The following TTN variants were observed in gnomAD, a reference collection of about 807,000 sequenced individuals.
TTN encodes titin, also known as connectin.
In TTN, 1,525 loss-of-function variants were observed where a neutral mutation model predicts 3,223.0. The observed-to-expected ratio is 0.47, with a 90% CI of 0.45 to 0.49. TTN has a LOEUF of 0.49. Among genes scored for constraint, TTN ranks in the 20% least tolerant of loss-of-function variants. The pLI, the probability that TTN is intolerant of heterozygous loss-of-function variation, is 0.00. For synonymous variants in TTN, 14,094 were observed against 15,161.0 expected (o/e 0.93, Z 5.17); for missense variants, 40,786 against 43,424.0 (o/e 0.94, Z 5.40).
Position 178,782,882 on chromosome 2 carries a change from T to A in TTN, c.3024A>T (p.Glu1008Asp). ...CACTGCAAGTAAATCGCCCGCTGTC[T>A]TCCGCAAATGCTTCGCGAATCATAA... ...ARLMIREAFA[E>D]DSGRFTCSAV... is the part of the protein sequence containing the mutation. Residue 1008 changes from glutamate to aspartate, a missense_variant, in exon 18 of 363, where the codon GAA (glutamate) becomes GAT (aspartate). Glu to Asp is a conservative substitution (Grantham distance 45). Coordinates refer to ENST00000589042, the MANE Select transcript of TTN (RefSeq NM_001267550.2). 2 of 1,614,086 alleles carry A rather than the reference T, an allele frequency of 1.2e-6. No individual in the cohort carries two copies. The highest frequency in any genetic ancestry group is 1.7e-6 in the Non-Finnish European group (2 of 1,179,978).
intron 132 of TTN, 99 bp downstream of exon 132, chr2:178,684,210 TAACAACAACAACAACATCAAC>T: frequency 1.5e-6 from 2 of 1,355,484 alleles, no homozygotes; most frequent in Middle Eastern, 1.8e-4. Context: ...ACAACAACTG[TAACAACAACAACAACATCAAC>T]AACAACAACA....
At position 178,777,143 on chromosome 2, in the gene TTN, A is replaced by G. The variant is rs2092318376; in HGVS notation, c.4814+6T>C. On this transcript the variant is annotated splice_donor_region_variant and intron_variant, in intron 27 of 362. Transcript: ENST00000589042. Reference sequence around the variant, plus strand: ...ATGAGCTTAGCTTTATTATTTCCATACTTACCTGATTTTGGGATATTTATG... The same window carrying G: ...ATGAGCTTAGCTTTATTATTTCCATGCTTACCTGATTTTGGGATATTTATG... 1.2e-6 allele frequency: 2 copies of G among 1,614,044 alleles called. No individual in the cohort carries two copies. The highest frequency in any genetic ancestry group is 4.5e-5 in the East Asian group (2 of 44,866).
rs1451760710 is a variant in TTN, at chr2:178,581,701, A to G, written c.66567T>C (p.Ile22189=). The change falls in exon 316 of 363, where the codon ATT becomes ATC. Residue 22189 remains isoleucine (I), a synonymous_variant. Coordinates refer to ENST00000589042, the MANE Select transcript of TTN (RefSeq NM_001267550.2). ...KPAYDGGSPI[I]GYLVEVKRAD... is the part of the protein sequence containing the mutation. ...CCCGTTTTACTTCAACGAGATAACC[A>G]ATGATAGGGCTGCCGCCGTCATAGG... 6.2e-7 allele frequency: 1 copy of G among 1,611,952 alleles called. No individual in the cohort carries two copies. Among genetic ancestry groups the G allele is most frequent in the Non-Finnish European group, 8.5e-7 (1 of 1,179,012 alleles).
rs1417400162 is a variant in TTN, at chr2:178,610,247, T to C, written c.51279A>G (p.Thr17093=). ...VLERREAGRR[T]YIPVMSGENK... is the part of the protein sequence containing the mutation. ...TCTCACCAGACATGACTGGTATATATGTTCTCCTCCCAGCTTCTCTGCGCT... is the reference window on the plus strand; with the variant it reads ...TCTCACCAGACATGACTGGTATATACGTTCTCCTCCCAGCTTCTCTGCGCT... Residue 17093 remains threonine, a synonymous_variant, in exon 271 of 363, where the codon ACA becomes ACG. Transcript: ENST00000589042. The C allele has an allele frequency of 6.2e-7, 1 of 1,612,880 alleles. No individual in the cohort carries two copies.
intron 275 of TTN, 48 bp downstream of exon 275, chr2:178,608,130 T>C: frequency 6.2e-7 from 1 of 1,604,402 alleles, no homozygotes; most frequent in African/African-American, 1.3e-5. Context: ...GGTTTTAAAA[T>C]GTACAATAGC....
At position 178,586,792 on chromosome 2, in the gene TTN, G is replaced by A. The variant is rs2049075418; in HGVS notation, c.64109C>T (p.Pro21370Leu). The change falls in exon 308 of 363, where the codon CCA (proline) becomes CTA (leucine). Residue 21370 changes from proline to leucine, a missense_variant. Pro to Leu is a moderately conservative substitution (Grantham distance 98). Coordinates refer to ENST00000589042, the MANE Select transcript of TTN (RefSeq NM_001267550.2). ...CATTTCAGTCACTTCTAATTTCCTT[G>A]GGGGATCCGGCTCACCTAGAAGAAA... is the stretch of plus-strand genomic sequence containing the variant. ...ASDPLSEPDP[P>L]RKLEVTEMTK... 1.9e-6 allele frequency: 3 copies of A among 1,611,844 alleles called. No individual in the cohort carries two copies. The highest frequency in any genetic ancestry group is 1.3e-5 in the African/African-American group (1 of 74,746).
At chr2:178,720,696 A>T in intron 79 of TTN, 33 bp from the exon 80 acceptor site, 1 of 1,534,276 alleles carries the variant, frequency 6.5e-7, no homozygotes, top group Non-Finnish European at 8.7e-7. Flanking sequence ...CAATGAGAAC[A>T]CTTGCTTACT....
Position 178,710,660 on chromosome 2 carries a change from A to T in TTN, c.28437T>A (p.Ser9479=). Residue 9479 remains serine (S), a synonymous_variant, in exon 98 of 363, where the codon TCT becomes TCA. Coordinates refer to ENST00000589042, the MANE Select transcript of TTN (RefSeq NM_001267550.2). ...CTTTTATATTCAGCTGAGCTGTGCA[A>T]GAGTCTTTTCCCACTTCATTCACAG... ...CYAVNEVGKD[S]CTAQLNIKER... is the part of the protein sequence containing the mutation. 2 of 1,612,528 alleles carry T rather than the reference A, an allele frequency of 1.2e-6. No individual in the cohort carries two copies. The highest frequency in any genetic ancestry group is 1.7e-6 in the Non-Finnish European group (2 of 1,179,520).
chr2:178,725,143 T>C lies in TTN; in HGVS notation c.20836+225A>G, dbSNP rs74860547. 1,738 of 419,584 alleles carry C rather than the reference T, an allele frequency of 4.1e-3. 21 individuals carry two copies. The highest frequency in any genetic ancestry group is 0.032 in the African/African-American group (1,562 of 48,902). 26.0% of individuals were successfully genotyped at this position (419,584 alleles called of 1,614,324 possible). A position where few individuals can be genotyped will look rare whatever the true frequency, so the allele number is the denominator to read the frequency against. The stretch of plus-strand genomic sequence containing the variant: ...TCATGATTGTATCTGCTAATTGATA[T>C]AGACAGGTAGTTATTAAACAATAAA... On this transcript the variant is annotated intron_variant, in intron 71 of 362. Coordinates refer to ENST00000589042, the MANE Select transcript of TTN (RefSeq NM_001267550.2).
In TTN at chr2:178,663,714, A is replaced by G. The variant is rs1413433988; in HGVS notation, c.36449-4T>C. On this transcript the variant is annotated splice_polypyrimidine_tract_variant and splice_region_variant and intron_variant, in intron 170 of 362. Coordinates refer to ENST00000589042, the MANE Select transcript of TTN (RefSeq NM_001267550.2). ...ACTTCTTTGGGAGGCTCTGGTACTTAAAAGATATTAGCAAAATTACATTCA... is the reference window on the plus strand; with the variant it reads ...ACTTCTTTGGGAGGCTCTGGTACTTGAAAGATATTAGCAAAATTACATTCA... 1.9e-6 allele frequency: 3 copies of G among 1,610,192 alleles called. No homozygotes were observed. In the African/African-American group the frequency reaches 4.1e-5, roughly 22 times the overall value.
chr2:178,631,718 C>T (rs571539234), intron 236 of TTN, among the ~76,000 whole-genome samples: 1 of 152,052 alleles, frequency 6.6e-6, no homozygotes, highest in South Asian at 2.1e-4. Context: ...TATATGTTAG[C>T]CTTCATGTTT....
rs199546417 is a variant in TTN at position 178,740,846 on chromosome 2, C to T, written c.12387G>A (p.Arg4129=). Residue 4129 remains arginine (R), a synonymous_variant, in exon 48 of 363, where the codon AGG becomes AGA. Transcript: ENST00000589042. ...EQDKLTPEST[R]EFLCINGSIH... Reference sequence around the variant, plus strand: ...TACTGCCATTGATGCAAAGAAATTCCCTGGTGCTTTCAGGAGTGAGCTTGT... The same window carrying T: ...TACTGCCATTGATGCAAAGAAATTCTCTGGTGCTTTCAGGAGTGAGCTTGT... 2.5e-6 allele frequency: 4 copies of T among 1,613,676 alleles called. No individual in the cohort carries two copies. The highest frequency in any genetic ancestry group is 2.2e-5 in the East Asian group (1 of 44,862).
Position 178,704,559 on chromosome 2 carries a change from A to G in TTN, c.29913T>C (p.Tyr9971=). 1 of 1,613,586 alleles carries G rather than the reference A, an allele frequency of 6.2e-7. No homozygotes were observed. Among genetic ancestry groups the G allele is most frequent in the Non-Finnish European group, 8.5e-7 (1 of 1,179,708 alleles). The change falls in exon 105 of 363, where the codon TAT becomes TAC. Residue 9971 remains tyrosine, a synonymous_variant. Transcript: ENST00000589042. ...KNCQLKDQGN[Y]RLVCGPHIAS... ...CGATGTGTGGACCACAAACCAATCGATAATTGCCCTGGTCTTTAAGTTGAC... is the reference window on the plus strand; with the variant it reads ...CGATGTGTGGACCACAAACCAATCGGTAATTGCCCTGGTCTTTAAGTTGAC...
In TTN at chr2:178,598,625, T is replaced by C. The variant is rs773331027; in HGVS notation, c.56992A>G (p.Thr18998Ala). The C allele has an allele frequency of 1.2e-6, 2 of 1,604,786 alleles. No individual in the cohort carries two copies. Among genetic ancestry groups the C allele is most frequent in the Non-Finnish European group, 1.7e-6 (2 of 1,177,614 alleles). ...TCTGCAGATGATTTAGTCCAATCTG[T>C]CACTTTGGGAAATGGAGGACCAGGA... ...APPGPPFPKVTDWTKSSADLE... is the reference protein window; with the variant it reads ...APPGPPFPKVADWTKSSADLE... Residue 18998 changes from threonine (T) to alanine (A), a missense_variant, in exon 292 of 363, where the codon ACA (threonine) becomes GCA (alanine). By Grantham distance (58) the Thr-to-Ala change is moderately conservative. Coordinates refer to ENST00000589042, the MANE Select transcript of TTN (RefSeq NM_001267550.2).
In TTN at chr2:178,741,559, A is replaced by T; in HGVS notation, c.11674T>A (p.Cys3892Ser). 1 of 1,613,826 alleles carries T rather than the reference A, an allele frequency of 6.2e-7. No individual in the cohort carries two copies. Among genetic ancestry groups the T allele is most frequent in the Non-Finnish European group, 8.5e-7 (1 of 1,179,810 alleles). ...TKLEDEGEYT[C>S]MASNDYGKTI... ...TTTCCATAGTCATTACTGGCCATAC[A>T]TGTATACTCTCCCTCATCCTCCAAT... Residue 3892 changes from cysteine to serine, a missense_variant, in exon 48 of 363, where the codon TGT (cysteine) becomes AGT (serine). Physicochemically the swap from Cys to Ser is moderately radical, Grantham distance 112. Transcript: ENST00000589042.
At chr2:178,683,087 A>T (rs560635226) in intron 134 of TTN, 124 bp downstream of exon 134, 1 of 952,182 alleles carries the variant, frequency 1.1e-6, no homozygotes, top group South Asian at 1.5e-5. Context: ...TGTGATTTCA[A>T]ATGTTATATA....
chr2:178,588,741 A>G lies in TTN; in HGVS notation c.62984T>C (p.Ile20995Thr), dbSNP rs1275723419. ...CTTTTTCTCCAAAAAGTATCCAGTT[A>G]TAGACTTTCCACCATCATATTCAGG... The part of the protein sequence containing the change: ...NPPEYDGGKS[I>T]TGYFLEKKEK... The change falls in exon 304 of 363, where the codon ATA becomes ACA. Residue 20995 changes from isoleucine (I) to threonine (T), a missense_variant. Transcript: ENST00000589042. 19 of 1,613,264 alleles carry G rather than the reference A, an allele frequency of 1.2e-5. No homozygotes were observed. The highest frequency in any genetic ancestry group is 1.6e-5 in the Non-Finnish European group (19 of 1,179,554).
At position 178,568,785 on chromosome 2, in the gene TTN, G is replaced by A. The variant is rs758010128; in HGVS notation, c.77347C>T (p.Arg25783Trp). The change falls in exon 326 of 363, where the codon CGG becomes TGG. Residue 25783 changes from arginine (R) to tryptophan (W), a missense_variant. Transcript: ENST00000589042. ...GCAACTATTGGAACTGCAAGGGACC[G>A]AGGATCACTTCTCCCCTTTTCATTT... ...AVNEKGRSDP[R>W]SLAVPIVAKD... 6.2e-6 allele frequency: 10 copies of A among 1,612,860 alleles called. No homozygotes were observed. Among genetic ancestry groups the A allele is most frequent in the Admixed American group, 5.0e-5 (3 of 59,924 alleles).
chr2:178,677,063 C>T (rs2068228638), intron 147 of TTN, 138 bp downstream of exon 147: 1 of 426,482 alleles, frequency 2.3e-6, no homozygotes, highest in South Asian at 1.2e-4. Context: ...ATCAGTGTTC[C>T]TGAACATCGT....
Sources: gnomAD v4.1 joint callset for allele counts (sites outside exome capture counted in the v4.1 genomes callset) on GRCh38, gnomAD v4.1.1 for gene constraint, MANE v1.5 for transcripts, NCBI Gene and HGNC (gene_info 2026-07-23, HGNC 2026-07-21) for gene names.